The following DRD3 variants were observed in gnomAD, a reference collection of about 807,000 sequenced individuals.
DRD3 encodes D(3) dopamine receptor.
In DRD3, 19 loss-of-function variants were observed where a neutral mutation model predicts 36.3. The observed-to-expected ratio is 0.52, with a 90% confidence interval of 0.36 to 0.77. The LOEUF (loss-of-function observed/expected upper bound fraction) is 0.77, where lower values mean the gene tolerates loss of function less well. Among genes scored for constraint, DRD3 ranks in the 30% least tolerant of loss-of-function variants. The pLI, the probability that DRD3 is intolerant of heterozygous loss-of-function variation, is 0.00. For synonymous variants in DRD3, 195 were observed against 203.7 expected (o/e 0.96, Z 0.36); for missense variants, 465 against 505.3 (o/e 0.92, Z 0.77).
intron 1 of DRD3, among the ~76,000 whole-genome samples, chr3:114,193,823 G>A (rs368388387): frequency 1.3e-5 from 2 of 152,264 alleles, no homozygotes; most frequent in East Asian, 1.9e-4. Flanking sequence ...ATTTATTAAA[G>A]TTTTTGAGTA....
At chr3:114,171,672 G>C in intron 2 of DRD3, 51 bp downstream of exon 2, 1 of 1,470,460 alleles carries the variant, frequency 6.8e-7, no homozygotes, top group Non-Finnish European at 9.0e-7. Context: ...ACTCAGGGAA[G>C]ACAAGTACTA....
At chr3:114,155,426 C>T (rs1026677058) in intron 3 of DRD3, among the ~76,000 whole-genome samples, 2 of 152,068 alleles carry the variant, frequency 1.3e-5, no homozygotes, top group Non-Finnish European at 2.9e-5. Context: ...TAGGTAAGTG[C>T]TGTGTATTCT....
At position 114,147,418 on chromosome 3, in the gene DRD3, T is replaced by C. The variant is rs1416077955; in HGVS notation, c.523A>G (p.Thr175Ala). ...SCPLLFGFNTTGDPTVCSISN... is the reference protein window; with the variant it reads ...SCPLLFGFNTAGDPTVCSISN... The stretch of plus-strand genomic sequence containing the variant: ...GAAATGAAGCCATCACTGTTACCTG[T>C]GGTATTAAAGCCAAACAGAAGAGGG... Residue 175 changes from threonine (T) to alanine (A), a missense_variant, in exon 4 of 7, where the codon ACA (threonine) becomes GCA (alanine). Coordinates refer to ENST00000383673, the MANE Select transcript of DRD3 (RefSeq NM_000796.6). 1.2e-6 allele frequency: 2 copies of C among 1,612,082 alleles called. No homozygotes were observed. The highest frequency in any genetic ancestry group is 3.3e-5 in the Admixed American group (2 of 59,916).
intron 4 of DRD3, among the ~76,000 whole-genome samples, chr3:114,145,012 C>T (rs2077558582): frequency 6.6e-6 from 1 of 152,132 alleles, no homozygotes; most frequent in African/African-American, 2.4e-5. Context: ...TAACCGAGAA[C>T]TCAGTCTAAT....
At chr3:114,166,237 C>A (rs549081329) in intron 2 of DRD3, among the ~76,000 whole-genome samples, 1 of 152,132 alleles carries the variant, frequency 6.6e-6, no homozygotes, top group Non-Finnish European at 1.5e-5. Flanking sequence ...CCACCCACCT[C>A]GGCCTCCCAA....
At chr3:114,173,255 A>G (rs999897837) in intron 1 of DRD3, among the ~76,000 whole-genome samples, 13 of 152,030 alleles carry the variant, frequency 8.6e-5, no homozygotes, top group Non-Finnish European at 1.5e-4. Flanking sequence ...TCAAAAATAG[A>G]TATCTGTTGT....
At position 114,139,508 on chromosome 3, in the gene DRD3, G is replaced by C. The variant is rs1218782873; in HGVS notation, c.715C>G (p.Pro239Ala). ...SQCNSVRPGF[P>A]QQTLSPDPAH... ...CCCTCCAGGGTACTTACTTGCTGGG[G>C]GAAGCCAGGCCTGACACTGTTGCAC... The change falls in exon 5 of 7, where the codon CCC (proline) becomes GCC (alanine). Residue 239 changes from proline (P) to alanine (A), a missense_variant. By Grantham distance (27) the Pro-to-Ala change is conservative. Transcript: ENST00000383673. 6.2e-7 allele frequency: 1 copy of C among 1,613,264 alleles called. No individual in the cohort carries two copies. Among genetic ancestry groups the C allele is most frequent in the Non-Finnish European group, 8.5e-7 (1 of 1,179,744 alleles).
chr3:114,167,934 T>C (rs948132680), intron 2 of DRD3, among the ~76,000 whole-genome samples: 12 of 152,184 alleles, frequency 7.9e-5, no homozygotes, highest in African/African-American at 2.9e-4. Flanking sequence ...ACCTATAGCT[T>C]AGCCTGTTGC....
intron 1 of DRD3, among the ~76,000 whole-genome samples, chr3:114,173,726 A>T (rs544039590): frequency 6.6e-5 from 10 of 152,226 alleles, no homozygotes; most frequent in Non-Finnish European, 1.2e-4. Context: ...CCATGTTGTT[A>T]CGAAGGTGTA....
chr3:114,161,248 G>A (rs1419393847), intron 2 of DRD3, among the ~76,000 whole-genome samples: 2 of 152,196 alleles, frequency 1.3e-5, no homozygotes, highest in Non-Finnish European at 2.9e-5. Context: ...GGAAGAAAGA[G>A]TGAAAAATGG....
rs1023422315 is a variant in DRD3 at position 114,128,113 on chromosome 3, C to T, written c.*603G>A. Among the ~76,000 whole-genome samples, 1 of 152,124 alleles carries T rather than the reference C, an allele frequency of 6.6e-6. No homozygotes were observed. Among genetic ancestry groups the T allele is most frequent in the Admixed American group, 6.5e-5 (1 of 15,270 alleles). On this transcript the variant is annotated 3_prime_UTR_variant, in exon 7 of 7. Transcript: ENST00000383673. Reference sequence around the variant, plus strand: ...AGGGTAGCAAAGTTTGAAATGAAGCCCCCATCCCAATGTGGGACAGTGTTT... The same window carrying T: ...AGGGTAGCAAAGTTTGAAATGAAGCTCCCATCCCAATGTGGGACAGTGTTT...
At chr3:114,167,721 G>C (rs7619130) in intron 2 of DRD3, among the ~76,000 whole-genome samples, 1 of 152,106 alleles carries the variant, frequency 6.6e-6, no homozygotes, top group African/African-American at 2.4e-5. Flanking sequence ...TCAATAAATA[G>C]TCCCTAGATG....
intron 3 of DRD3, among the ~76,000 whole-genome samples, chr3:114,149,559 T>C (rs1385882201): frequency 1.3e-5 from 2 of 152,152 alleles, no homozygotes; most frequent in African/African-American, 4.8e-5. Context: ...CTCCGTTGAG[T>C]GTAGGCTGAA....
intron 1 of DRD3, among the ~76,000 whole-genome samples, chr3:114,189,959 CAG>C (rs1440148952): frequency 6.6e-6 from 1 of 152,102 alleles, no homozygotes; most frequent in Non-Finnish European, 1.5e-5. Flanking sequence ...TGTCAGGCAT[CAG>C]AGACAGGTTG....
intron 2 of DRD3, among the ~76,000 whole-genome samples, chr3:114,163,204 A>T (rs2077749806): frequency 6.6e-6 from 1 of 152,180 alleles, no homozygotes; most frequent in Non-Finnish European, 1.5e-5. Flanking sequence ...CTAAGGTGCC[A>T]TCACTTAGCC....
chr3:114,158,026 C>T (rs112115712), intron 3 of DRD3, among the ~76,000 whole-genome samples: 9,784 of 152,004 alleles, frequency 0.064, 364 homozygotes, highest in South Asian at 0.11. Context: ...CACTTGAACC[C>T]GGGAGGTGGA....
At chr3:114,192,982 A>C (rs1560007032) in intron 1 of DRD3, among the ~76,000 whole-genome samples, 1 of 152,168 alleles carries the variant, frequency 6.6e-6, no homozygotes, top group East Asian at 1.9e-4. Context: ...ACAAAACAAA[A>C]CAAACAAAAA....
chr3:114,145,070 G>A (rs1055431377), intron 4 of DRD3, among the ~76,000 whole-genome samples: 6 of 152,052 alleles, frequency 3.9e-5, no homozygotes, highest in Admixed American at 2.0e-4. Flanking sequence ...GTGTGTCTGT[G>A]AGAGTGAATA....
At chr3:114,191,198 A>C in intron 1 of DRD3, among the ~76,000 whole-genome samples, 1 of 152,230 alleles carries the variant, frequency 6.6e-6, no homozygotes, top group East Asian at 1.9e-4. Flanking sequence ...GAATAAAACC[A>C]AGTAAAACGA....
Sources: allele counts gnomAD v4.1 joint callset (sites outside exome capture counted in the v4.1 genomes callset), GRCh38; gene constraint gnomAD v4.1.1; transcripts MANE v1.5; gene names NCBI Gene and HGNC (gene_info 2026-07-23, HGNC 2026-07-21).